Variants in TCF7L2 observed in about 807,000 individuals in gnomAD.
TCF7L2 encodes the protein transcription factor 7 like 2.
Under a neutral mutation model 77.9 loss-of-function variants are expected in TCF7L2, and 23 were observed. The ratio of observed to expected loss-of-function variants is 0.30; its 90% CI spans 0.21 to 0.42. The LOEUF is 0.42. TCF7L2 is among the 10% of genes least tolerant of loss of function. The pLI is 1.00. For missense variants in TCF7L2, 654 were observed against 793.1 expected (o/e 0.82, Z 2.11); for synonymous variants, 413 against 340.2 (o/e 1.21, Z -2.36).
At chr10:113,092,278 CTG>C (rs1040626246) in intron 5 of TCF7L2, among the ~76,000 whole-genome samples, 1 of 152,202 alleles carries the variant, frequency 6.6e-6, no homozygotes, top group African/African-American at 2.4e-5. Context: ...AATCTGTAAA[CTG>C]TGAATAGGTG....
At chr10:113,103,006 A>G (rs373238019) in intron 5 of TCF7L2, among the ~76,000 whole-genome samples, 296 of 152,316 alleles carry the variant, frequency 1.9e-3, no homozygotes, top group African/African-American at 6.9e-3. Context: ...AGTGGTTTTC[A>G]TATATTAACT....
At chr10:112,981,661 G>A (rs774218003) in intron 4 of TCF7L2, among the ~76,000 whole-genome samples, 1 of 152,214 alleles carries the variant, frequency 6.6e-6, no homozygotes, top group African/African-American at 2.4e-5. Context: ...AACCAATGAT[G>A]TGACTTGTAA....
At chr10:113,129,592 CA>C (rs2136480666) in intron 5 of TCF7L2, 1 of 1,099,476 alleles carries the variant, frequency 9.1e-7, no homozygotes. Flanking sequence ...GATGTGTGTA[CA>C]GGGGGAAGGA....
At chr10:113,108,605 C>T (rs1463388386) in intron 5 of TCF7L2, among the ~76,000 whole-genome samples, 1 of 152,180 alleles carries the variant, frequency 6.6e-6, no homozygotes, top group Non-Finnish European at 1.5e-5. Flanking sequence ...TGAGGAACCC[C>T]CTAGCCTGAG....
intron 5 of TCF7L2, among the ~76,000 whole-genome samples, chr10:113,077,966 C>T (rs1175481164): frequency 6.6e-6 from 1 of 150,384 alleles, no homozygotes; most frequent in African/African-American, 2.4e-5. Flanking sequence ...GAACTCCTGA[C>T]CTCAAGTGAT....
rs764880064 is a variant in TCF7L2, at chr10:113,165,813, C to G, written c.1650C>G (p.Leu550=). 3.1e-6 allele frequency: 5 copies of G among 1,605,184 alleles called. No individual in the cohort carries two copies. Among genetic ancestry groups the G allele is most frequent in the Non-Finnish European group, 4.3e-6 (5 of 1,174,876 alleles). The stretch of plus-strand genomic sequence containing the variant: ...AGGCCACCCACAAGGCCTCCGCCCT[C>G]TGTCCCAACGGGGCCCTGGACCTGC... Residue 550 remains leucine, a synonymous_variant, in exon 14 of 14, where the codon CTC becomes CTG. Transcript: ENST00000627217.
At chr10:113,075,466 A>AAAAAG (rs71007410) in intron 5 of TCF7L2, among the ~76,000 whole-genome samples, 144,721 of 150,698 alleles carry the variant, frequency 0.96, 69,511 homozygotes, top group East Asian at 1. Flanking sequence ...TGTCCAAAAA[A>AAAAAG]AAAAGAAAAA....
chr10:113,151,183 A>T lies in TCF7L2; in HGVS notation c.1001+60A>T. On this transcript the variant is annotated intron_variant, in intron 9 of 13. Coordinates refer to ENST00000627217, the MANE Select transcript of TCF7L2 (RefSeq NM_001146274.2). This position sits in a 1 kb window ranked among gnomAD's most constrained non-coding sequence, Gnocchi z 5.2. ...CCGCAGTGTTCTGCAAGCCTGTTGC[A>T]GCTGCTGGGTGGTGGCTTTCTGCCT... 1 of 1,609,284 alleles carries T rather than the reference A, an allele frequency of 6.2e-7. No homozygotes were observed. The highest frequency in any genetic ancestry group is 8.5e-7 in the Non-Finnish European group (1 of 1,176,570).
Position 113,087,161 on chromosome 10 carries a change from T to C in TCF7L2, c.552+47035T>C, listed in dbSNP as rs3829191. On this transcript the variant is annotated intron_variant, in intron 5 of 13. Transcript: ENST00000627217. ...TCTGAGGTTCCCAGGCATGGAAGAATATCTAGATCTGTACAGAGAGGTTGT... is the reference window on the plus strand; with the variant it reads ...TCTGAGGTTCCCAGGCATGGAAGAACATCTAGATCTGTACAGAGAGGTTGT... Among the ~76,000 whole-genome samples the C allele has an allele frequency of 1.9e-3, 288 of 152,322 alleles. 6 individuals carry two copies. The East Asian group carries it at 0.047, about 25-fold the overall frequency.
At chr10:113,084,359 C>T (rs2059606651) in intron 5 of TCF7L2, among the ~76,000 whole-genome samples, 1 of 152,124 alleles carries the variant, frequency 6.6e-6, no homozygotes, top group South Asian at 2.1e-4. Flanking sequence ...TGGGCTGGAG[C>T]CCAGAGATGC....
At chr10:112,988,410 T>C (rs886790700) in intron 4 of TCF7L2, among the ~76,000 whole-genome samples, 2 of 152,238 alleles carry the variant, frequency 1.3e-5, no homozygotes, top group African/African-American at 4.8e-5. Flanking sequence ...GTGTGTTGTT[T>C]TGAGCTTCTG....
intron 6 of TCF7L2, among the ~76,000 whole-genome samples, chr10:113,142,423 G>A (rs1463340770): frequency 2.6e-5 from 4 of 152,218 alleles, no homozygotes; most frequent in Non-Finnish European, 5.9e-5. Flanking sequence ...AGCCTGGTGG[G>A]GTGGTCTTGG....
At chr10:112,975,778 G>A (rs143791615) in intron 4 of TCF7L2, among the ~76,000 whole-genome samples, 52 of 152,308 alleles carry the variant, frequency 3.4e-4, no homozygotes, top group Admixed American at 8.5e-4. Context: ...CGCCATGGTC[G>A]GCCTGTAGGG....
At position 113,090,276 on chromosome 10, in the gene TCF7L2, G is replaced by C. The variant is rs1208260341; in HGVS notation, c.552+50150G>C. 3.3e-5 allele frequency among the ~76,000 whole-genome samples: 5 copies of C among 152,172 alleles called. No homozygotes were observed. The East Asian group carries it at 9.6e-4, about 29-fold the overall frequency. ...GAACTCTTAGGTTTAAACAGCAAATGATTTAGTACTAGTGTTAGCTTTTAA... is the reference window on the plus strand; with the variant it reads ...GAACTCTTAGGTTTAAACAGCAAATCATTTAGTACTAGTGTTAGCTTTTAA... On this transcript the variant is annotated intron_variant, in intron 5 of 13. Coordinates refer to ENST00000627217, the MANE Select transcript of TCF7L2 (RefSeq NM_001146274.2).
chr10:112,990,775 A>T (rs1470695840), intron 4 of TCF7L2, among the ~76,000 whole-genome samples: 1 of 152,228 alleles, frequency 6.6e-6, no homozygotes, highest in African/African-American at 2.4e-5. Context: ...GGTCTTTTAC[A>T]TGGCCAAGCC....
chr10:112,978,739 A>G (rs763838659), intron 4 of TCF7L2, among the ~76,000 whole-genome samples: 41 of 150,314 alleles, frequency 2.7e-4, no homozygotes, highest in Non-Finnish European at 5.2e-4. Flanking sequence ...TTGGCCTCCC[A>G]AAGTGCTGGG....
At chr10:113,115,933 T>A (rs530926818) in intron 5 of TCF7L2, among the ~76,000 whole-genome samples, 1 of 152,218 alleles carries the variant, frequency 6.6e-6, no homozygotes, top group South Asian at 2.1e-4. Flanking sequence ...AATAGAAACC[T>A]CAAACAATAT....
chr10:113,161,400 G>A, intron 13 of TCF7L2: 1 of 649,822 alleles, frequency 1.5e-6, no homozygotes, highest in Non-Finnish European at 2.7e-6. Context: ...GAACAGCCCA[G>A]AAGTGTCCAA....
At chr10:113,160,544 T>C (rs1167055960) in intron 12 of TCF7L2, 4 of 1,345,132 alleles carry the variant, frequency 3.0e-6, no homozygotes, top group Non-Finnish European at 4.1e-6. Flanking sequence ...AAGGAAGCTG[T>C]AGCTGAGATT....
Sources: gnomAD v4.1 joint callset for allele counts (sites outside exome capture counted in the v4.1 genomes callset) on GRCh38, gnomAD v4.1.1 for gene constraint, Gnocchi (gnomAD v3.1) non-coding constraint, MANE v1.5 for transcripts, NCBI Gene and HGNC (gene_info 2026-07-23, HGNC 2026-07-21) for gene names.